ERICH6: variants seen among roughly 807,000 people sequenced by gnomAD.
ERICH6 encodes glutamate rich 6.
ERICH6 carries 71 observed loss-of-function variants against 71.0 expected under a neutral mutation model. That is an observed-to-expected ratio of 1.00 (90% confidence interval 0.83 to 1.22). ERICH6 has a LOEUF of 1.22. Ranked by LOEUF, ERICH6 falls within the 50% of genes most tolerant of loss-of-function variation. The pLI is 0.00. For missense variants in ERICH6, 808 were observed against 797.2 expected (o/e 1.01, Z -0.16); for synonymous variants, 262 against 278.4 (o/e 0.94, Z 0.59).
intron 2 of ERICH6, among the ~76,000 whole-genome samples, chr3:150,699,155 A>T (rs772209954): frequency 6.6e-5 from 10 of 152,082 alleles, no homozygotes; most frequent in Non-Finnish European, 1.2e-4. Flanking sequence ...TATAAAACAT[A>T]AAAAAATTAG....
chr3:150,690,470 G>C (rs953671972), intron 3 of ERICH6, among the ~76,000 whole-genome samples: 10 of 151,998 alleles, frequency 6.6e-5, no homozygotes, highest in Admixed American at 2.6e-4. Context: ...ATATATCTAT[G>C]TATTTGCATG....
chr3:150,687,720 T>C (rs929966625), intron 3 of ERICH6, among the ~76,000 whole-genome samples: 3 of 152,144 alleles, frequency 2.0e-5, no homozygotes, highest in Admixed American at 6.5e-5. Context: ...GAGCAACCTA[T>C]AATGGGACAG....
intron 3 of ERICH6, among the ~76,000 whole-genome samples, chr3:150,695,372 C>T (rs1374143638): frequency 1.3e-5 from 2 of 152,106 alleles, no homozygotes; most frequent in Non-Finnish European, 2.9e-5. Context: ...AAGATTCTCG[C>T]CGGCTGTAGT....
intron 6 of ERICH6, among the ~76,000 whole-genome samples, chr3:150,683,987 A>G (rs558117112): frequency 2.6e-5 from 4 of 152,340 alleles, no homozygotes; most frequent in Admixed American, 1.3e-4. Context: ...GGCCTTCCCC[A>G]TGGTAAGACC....
chr3:150,668,341 G>A (rs1727491459), intron 12 of ERICH6, among the ~76,000 whole-genome samples: 1 of 152,168 alleles, frequency 6.6e-6, no homozygotes, highest in Non-Finnish European at 1.5e-5. Flanking sequence ...GTATCAAGGA[G>A]CCATCTCAGG....
At chr3:150,682,703 CA>C (rs1712019252) in intron 6 of ERICH6, among the ~76,000 whole-genome samples, 1 of 152,162 alleles carries the variant, frequency 6.6e-6, no homozygotes. Flanking sequence ...GGATTTTATA[CA>C]AATGATCTAA....
At chr3:150,660,263 G>A (rs1727163902) in intron 13 of ERICH6, 108 bp from the exon 14 acceptor site, 2 of 1,259,594 alleles carry the variant, frequency 1.6e-6, no homozygotes, top group African/African-American at 1.5e-5. Flanking sequence ...CCCTGATGAG[G>A]GTCCACTCTA....
intron 3 of ERICH6, among the ~76,000 whole-genome samples, chr3:150,688,198 C>T (rs1284345055): frequency 6.6e-6 from 1 of 151,948 alleles, no homozygotes; most frequent in Non-Finnish European, 1.5e-5. Flanking sequence ...CAATGTGGAT[C>T]ATCTGAAAAA....
intron 2 of ERICH6, among the ~76,000 whole-genome samples, chr3:150,700,639 A>C (rs776893185): frequency 6.6e-6 from 1 of 152,078 alleles, no homozygotes; most frequent in Non-Finnish European, 1.5e-5. Context: ...GCTGGAGTGC[A>C]GTGGTATGAT....
intron 11 of ERICH6, among the ~76,000 whole-genome samples, chr3:150,669,947 A>G (rs1711497620): frequency 6.6e-6 from 1 of 152,156 alleles, no homozygotes; most frequent in Non-Finnish European, 1.5e-5. Flanking sequence ...TAATCCCAGC[A>G]CTTACGGAGG....
At chr3:150,694,700 A>T (rs1040386035) in intron 3 of ERICH6, among the ~76,000 whole-genome samples, 5 of 152,196 alleles carry the variant, frequency 3.3e-5, no homozygotes, top group Middle Eastern at 3.2e-3. Context: ...TCTTCTGGGC[A>T]TGTGCTTAAC....
chr3:150,703,041 A>G lies in ERICH6; in HGVS notation c.403+455T>C, dbSNP rs372150591. The stretch of plus-strand genomic sequence containing the variant: ...TGTCACGGTGTGAATGCACGCAAAA[A>G]TGTTATAAAAATGAGCACTCCCAGC... On this transcript the variant is annotated intron_variant, in intron 1 of 13. Coordinates refer to ENST00000295910, the MANE Select transcript of ERICH6 (RefSeq NM_152394.5). 2.2e-3 allele frequency among the ~76,000 whole-genome samples: 337 copies of G among 151,592 alleles called. 1 individual carries two copies. Among genetic ancestry groups the G allele is most frequent in the African/African-American group, 7.7e-3 (318 of 41,308 alleles).
At position 150,698,776 on chromosome 3, in the gene ERICH6, A is replaced by T; in HGVS notation, c.553+15T>A. 1 of 1,606,492 alleles carries T rather than the reference A, an allele frequency of 6.2e-7. No individual in the cohort carries two copies. Among genetic ancestry groups the T allele is most frequent in the Non-Finnish European group, 8.5e-7 (1 of 1,173,222 alleles). On this transcript the variant is annotated intron_variant, in intron 3 of 13. Transcript: ENST00000295910. The stretch of plus-strand genomic sequence containing the variant: ...TCCCTCCTCCCAGGAAAAGCTAAGA[A>T]ATCAAACTACTCACTCGATTGCACT...
intron 11 of ERICH6, among the ~76,000 whole-genome samples, chr3:150,672,805 G>A (rs950192908): frequency 2.0e-5 from 3 of 150,938 alleles, no homozygotes; most frequent in Admixed American, 6.6e-5. Context: ...TGGGAGGATC[G>A]CTTGCACCCA....
intron 1 of ERICH6, 130 bp from the exon 2 acceptor site, chr3:150,702,308 G>C: frequency 2.0e-6 from 1 of 499,940 alleles, no homozygotes; most frequent in Non-Finnish European, 3.4e-6. Flanking sequence ...ACGGAGTCTC[G>C]CTCTGTCGCC....
In ERICH6 at chr3:150,659,911, A is replaced by G; in HGVS notation, c.1973T>C (p.Ile658Thr). The change falls in exon 14 of 14, where the codon ATA becomes ACA. Residue 658 changes from isoleucine to threonine, a missense_variant. Physicochemically the swap from Ile to Thr is moderately conservative, Grantham distance 89. Transcript: ENST00000295910. ...KQDIMKTIRN[I>T]INEEI ...TCTTAGTTAAATTTCTTCATTTATT[A>G]TATTTCTTATTGTCTTCATTATATC... The G allele has an allele frequency of 6.2e-7, 1 of 1,603,428 alleles. No individual in the cohort carries two copies. Among genetic ancestry groups the G allele is most frequent in the South Asian group, 1.1e-5 (1 of 89,262 alleles).
intron 3 of ERICH6, among the ~76,000 whole-genome samples, chr3:150,698,113 C>A (rs1464667440): frequency 6.6e-6 from 1 of 152,198 alleles, no homozygotes; most frequent in African/African-American, 2.4e-5. Flanking sequence ...AACCCCTTCC[C>A]TGCTTTACTT....
At chr3:150,662,700 A>G (rs1019199870) in intron 13 of ERICH6, among the ~76,000 whole-genome samples, 19 of 152,090 alleles carry the variant, frequency 1.2e-4, no homozygotes, top group Non-Finnish European at 2.5e-4. Flanking sequence ...TAGAAGTGAA[A>G]GAAAATGACA....
Position 150,672,264 on chromosome 3 carries a change from CATAT to C in ERICH6, c.1343+1688_1343+1691del, listed in dbSNP as rs57492414. On this transcript the variant is annotated intron_variant, in intron 11 of 13. Coordinates refer to ENST00000295910, the MANE Select transcript of ERICH6 (RefSeq NM_152394.5). ...TAAACAAAGAATCCATTTATATATACATATATATATATATGCTCATACACAGAAA... is the reference window on the plus strand; with the variant it reads ...TAAACAAAGAATCCATTTATATATACATATATATATGCTCATACACAGAAA... 8.1e-5 allele frequency among the ~76,000 whole-genome samples: 10 copies of C among 123,618 alleles called. 1 individual carries two copies. Among genetic ancestry groups the C allele is most frequent in the East Asian group, 6.3e-4 (2 of 3,156 alleles). 81.1% of individuals were successfully genotyped at this position (123,618 alleles called of 152,430 possible). A position where few individuals can be genotyped will look rare whatever the true frequency, so the allele number is the denominator to read the frequency against.
Sources: gnomAD v4.1 joint callset for allele counts (sites outside exome capture counted in the v4.1 genomes callset) on GRCh38, gnomAD v4.1.1 for gene constraint, MANE v1.5 for transcripts, NCBI Gene and HGNC (gene_info 2026-07-23, HGNC 2026-07-21) for gene names.